Variants in ATE1 observed in about 807,000 individuals in gnomAD.
ATE1 encodes arginyltransferase 1, also known as arginyl-tRNA--protein transferase 1.
In ATE1, 36 loss-of-function variants were observed where a neutral mutation model predicts 70.5. The ratio of observed to expected loss-of-function variants is 0.51; its 90% CI spans 0.39 to 0.67. The LOEUF is 0.67. ATE1 is among the 30% of genes least tolerant of loss of function. The pLI, the probability that ATE1 is intolerant of heterozygous loss-of-function variation, is 0.00. For missense variants in ATE1, 593 were observed against 629.5 expected (o/e 0.94, Z 0.62); for synonymous variants, 232 against 219.3 (o/e 1.06, Z -0.51).
intron 7 of ATE1, among the ~76,000 whole-genome samples, chr10:121,890,264 A>G (rs555671644): frequency 1.3e-4 from 20 of 152,358 alleles, no homozygotes; most frequent in African/African-American, 4.8e-4. Context: ...GGGAAAATGT[A>G]AAATAAGCAC....
At chr10:121,925,427 CAA>C (rs35309690) in intron 1 of ATE1, among the ~76,000 whole-genome samples, 85 of 118,678 alleles carry the variant, frequency 7.2e-4, no homozygotes, top group Middle Eastern at 4.3e-3. Context: ...AGCTCTGTCT[CAA>C]AAAAAAAAAA....
At chr10:121,769,785 G>T (rs1205090842) in intron 11 of ATE1, among the ~76,000 whole-genome samples, 1 of 152,192 alleles carries the variant, frequency 6.6e-6, no homozygotes, top group African/African-American at 2.4e-5. Flanking sequence ...TAGCCATTTG[G>T]GAGGCCCAAG....
At chr10:121,923,198 T>C (rs1006077035) in intron 2 of ATE1, among the ~76,000 whole-genome samples, 6 of 152,244 alleles carry the variant, frequency 3.9e-5, no homozygotes, top group African/African-American at 1.2e-4. Flanking sequence ...TGGCCAGGCA[T>C]GGTGGTTCAT....
rs1564799853 is a variant in ATE1 at position 121,743,079 on chromosome 10, G to A, written c.*601C>T. 2 of 152,234 alleles carry A rather than the reference G, an allele frequency of 1.3e-5. No individual in the cohort carries two copies. The highest frequency in any genetic ancestry group is 4.1e-4 in the South Asian group (2 of 4,822). 9.4% of individuals were successfully genotyped at this position (152,234 alleles called of 1,614,324 possible). Reference sequence around the variant, plus strand: ...CAACAGACATGAACAGGACTGTCCTGAACAAATGGATACCTGATGCTAACA... The same window carrying A: ...CAACAGACATGAACAGGACTGTCCTAAACAAATGGATACCTGATGCTAACA... On this transcript the variant is annotated 3_prime_UTR_variant, in exon 12 of 12. Transcript: ENST00000224652.
intron 8 of ATE1, chr10:121,846,776 G>A (rs894632511): frequency 6.6e-6 from 1 of 151,986 alleles, no homozygotes; most frequent in Non-Finnish European, 1.5e-5. Context: ...CATCTTTAAA[G>A]TATTTCCATG....
At position 121,765,229 on chromosome 10, in the gene ATE1, G is replaced by A. The variant is rs550167149; in HGVS notation, c.1379-21371C>T. On this transcript the variant is annotated intron_variant, in intron 11 of 11. Coordinates refer to ENST00000224652, the MANE Select transcript of ATE1 (RefSeq NM_001001976.3). ...CCCAGGTAGTGCTGGCCACAGGCCA[G>A]GACCTACCCCTCCATGAGAAGTCAC... 5.9e-5 allele frequency among the ~76,000 whole-genome samples: 9 copies of A among 152,324 alleles called. No individual in the cohort carries two copies. In the East Asian group the frequency reaches 1.4e-3, roughly 23 times the overall value.
rs1183218353 is a variant in ATE1, at chr10:121,913,793, C to T, written c.334G>A (p.Glu112Lys). 1 of 1,608,994 alleles carries T rather than the reference C, an allele frequency of 6.2e-7. No individual in the cohort carries two copies. Among genetic ancestry groups the T allele is most frequent in the Admixed American group, 1.7e-5 (1 of 59,744 alleles). ...AKGEVPKGSC[E>K]DEPMDSTMDD... Reference sequence around the variant, plus strand: ...TTTTAGACCCAGCCCATCTTACCCTCACAACTTCCTTTGGGAACCTCCCCT... The same window carrying T: ...TTTTAGACCCAGCCCATCTTACCCTTACAACTTCCTTTGGGAACCTCCCCT... The change falls in exon 4 of 12, where the codon GAG becomes AAG. Residue 112 changes from glutamate to lysine, a missense_variant. This residue lies in a region of ATE1 where 467 missense variants were observed against 469.6 expected (regional missense o/e 0.99). Coordinates refer to ENST00000224652, the MANE Select transcript of ATE1 (RefSeq NM_001001976.3).
chr10:121,763,843 C>T (rs1216562308), intron 11 of ATE1, among the ~76,000 whole-genome samples: 2 of 151,954 alleles, frequency 1.3e-5, no homozygotes, highest in Non-Finnish European at 2.9e-5. Context: ...GAGAAACCTC[C>T]ACTCTACTAA....
intron 8 of ATE1, among the ~76,000 whole-genome samples, chr10:121,850,345 C>G (rs1433819678): frequency 1.3e-5 from 2 of 152,146 alleles, no homozygotes; most frequent in African/African-American, 4.8e-5. Context: ...TACCACCCCA[C>G]CCCAACTAGG....
intron 11 of ATE1, among the ~76,000 whole-genome samples, chr10:121,782,093 A>G (rs1342259386): frequency 1.3e-5 from 2 of 152,240 alleles, no homozygotes; most frequent in African/African-American, 4.8e-5. Context: ...TGCAGGAAAA[A>G]AAAATGCAGA....
chr10:121,894,968 G>T (rs149054760), intron 7 of ATE1, among the ~76,000 whole-genome samples: 2 of 151,946 alleles, frequency 1.3e-5, no homozygotes, highest in African/African-American at 2.4e-5. Flanking sequence ...AAGAAGAAAC[G>T]CAAAAGGCCA....
intron 7 of ATE1, among the ~76,000 whole-genome samples, 170 bp from the exon 8 acceptor site, chr10:121,870,208 G>T (rs866526003): frequency 5.3e-5 from 8 of 152,046 alleles, no homozygotes; most frequent in African/African-American, 1.7e-4. Flanking sequence ...GAATAGAAAG[G>T]TTCAGCCTAG....
intron 8 of ATE1, 83 bp from the exon 9 acceptor site, chr10:121,841,346 G>T: frequency 1.0e-6 from 1 of 994,962 alleles, no homozygotes; most frequent in Non-Finnish European, 1.3e-6. Context: ...ATTTTCCTCA[G>T]GTTAATAAGT....
intron 3 of ATE1, among the ~76,000 whole-genome samples, chr10:121,919,245 C>T (rs1033324330): frequency 9.2e-5 from 14 of 152,118 alleles, no homozygotes; most frequent in Non-Finnish European, 1.8e-4. Flanking sequence ...CGAAGGTCTG[C>T]GGCTTCATTC....
At chr10:121,797,462 C>T (rs1946702178) in intron 10 of ATE1, among the ~76,000 whole-genome samples, 1 of 152,082 alleles carries the variant, frequency 6.6e-6, no homozygotes, top group Non-Finnish European at 1.5e-5. Flanking sequence ...CCCAAAGAAA[C>T]CCAGTACCCA....
At chr10:121,781,300 C>T (rs1945977965) in intron 11 of ATE1, among the ~76,000 whole-genome samples, 1 of 152,142 alleles carries the variant, frequency 6.6e-6, no homozygotes, top group African/African-American at 2.4e-5. Flanking sequence ...CAAGGTCTGT[C>T]TCTCTTGCTT....
intron 8 of ATE1, among the ~76,000 whole-genome samples, chr10:121,855,107 T>C (rs1033811574): frequency 1.3e-5 from 2 of 152,212 alleles, no homozygotes; most frequent in Non-Finnish European, 2.9e-5. Context: ...GGCATTCTTA[T>C]AAAAGCTTTT....
intron 5 of ATE1, among the ~76,000 whole-genome samples, chr10:121,906,525 T>A (rs925530463): frequency 2.3e-5 from 3 of 128,582 alleles, no homozygotes; most frequent in Non-Finnish European, 5.4e-5. Flanking sequence ...TAAGACCCTG[T>A]CTCAAAATAA....
chr10:121,825,347 G>A (rs1397201025), intron 10 of ATE1, among the ~76,000 whole-genome samples: 1 of 152,158 alleles, frequency 6.6e-6, no homozygotes, highest in Non-Finnish European at 1.5e-5. Context: ...TAAACCAACA[G>A]CTCAGTTAAA....
Sources: gnomAD v4.1 joint callset for allele counts (sites outside exome capture counted in the v4.1 genomes callset) on GRCh38, gnomAD v4.1.1 for gene constraint, gnomAD v4.1.1 regional missense constraint, MANE v1.5 for transcripts, NCBI Gene and HGNC (gene_info 2026-07-23, HGNC 2026-07-21) for gene names.